PITPNC1: variants seen among roughly 807,000 people sequenced by gnomAD.
PITPNC1 encodes phosphatidylinositol transfer protein cytoplasmic 1.
In PITPNC1, 18 loss-of-function variants were observed where a neutral mutation model predicts 44.7. That is an observed-to-expected ratio of 0.40 (90% CI 0.28 to 0.60). The LOEUF is 0.60. Among genes scored for constraint, PITPNC1 ranks in the 20% least tolerant of loss-of-function variants. The pLI is 0.39. For missense variants in PITPNC1, 290 were observed against 418.4 expected, an observed-to-expected ratio of 0.69 and a Z score of 2.68; for synonymous variants, 141 against 149.6, an observed-to-expected ratio of 0.94 and a Z score of 0.42.
At chr17:67,625,271 GA>G (rs1281043548) in intron 5 of PITPNC1, among the ~76,000 whole-genome samples, 1 of 152,162 alleles carries the variant, frequency 6.6e-6, no homozygotes, top group Non-Finnish European at 1.5e-5. Context: ...CCCATCTCAG[GA>G]GACAAATTCA....
intron 4 of PITPNC1, among the ~76,000 whole-genome samples, chr17:67,574,650 G>A (rs542698252): frequency 6.6e-6 from 1 of 152,262 alleles, no homozygotes; most frequent in Admixed American, 6.5e-5. Context: ...GAGGCAGAAG[G>A]TTATCTTAAC....
chr17:67,633,945 G>A (rs2144336857), intron 6 of PITPNC1, among the ~76,000 whole-genome samples: 1 of 152,358 alleles, frequency 6.6e-6, no homozygotes, highest in Non-Finnish European at 1.5e-5. Context: ...ACTTCAGGGA[G>A]TTCCCTCCTG....
chr17:67,693,162 G>A lies in PITPNC1; in HGVS notation c.*274G>A. On this transcript the variant is annotated 3_prime_UTR_variant, in exon 9 of 9. Transcript: ENST00000581322. ...GCCAGAGAGGAAGCCTTGTTATTGGGCATTTGATGAGGTTTGGCATGGACT... is the reference window on the plus strand; with the variant it reads ...GCCAGAGAGGAAGCCTTGTTATTGGACATTTGATGAGGTTTGGCATGGACT... The A allele has an allele frequency of 5.7e-6, 2 of 349,260 alleles. No homozygotes were observed. The highest frequency in any genetic ancestry group is 7.7e-5 in the South Asian group (1 of 12,948). 21.6% of individuals were successfully genotyped at this position (349,260 alleles called of 1,614,324 possible). A position where few individuals can be genotyped will look rare whatever the true frequency, so the allele number is the denominator to read the frequency against.
intron 8 of PITPNC1, among the ~76,000 whole-genome samples, chr17:67,680,253 G>A (rs943147547): frequency 5.9e-5 from 9 of 152,124 alleles, no homozygotes; most frequent in Admixed American, 5.9e-4. Flanking sequence ...AGAGGAACCT[G>A]TGAACCCTTC....
chr17:67,459,113 C>CTTTTTTTTTTTTTTTTTTTTTTTTTTTG (rs886333854), intron 1 of PITPNC1, among the ~76,000 whole-genome samples: 1 of 95,732 alleles, frequency 1.0e-5, no homozygotes. Flanking sequence ...TTTTCTTTTT[C>CTTTTTTTTTTTTTTTTTTTTTTTTTTTG]TTTTTTTTTT....
intron 8 of PITPNC1, among the ~76,000 whole-genome samples, chr17:67,690,429 CAA>C (rs923028906): frequency 5.5e-5 from 6 of 109,252 alleles, no homozygotes; most frequent in Admixed American, 1.2e-4. Context: ...GCCTGGGAGA[CAA>C]GAGCAAAACT....
intron 1 of PITPNC1, among the ~76,000 whole-genome samples, chr17:67,442,936 G>T (rs4790980): frequency 6.6e-6 from 1 of 151,772 alleles, no homozygotes. Context: ...TTTACACCTA[G>T]GCAATACCTC....
chr17:67,397,388 A>G (rs765708158), intron 1 of PITPNC1, among the ~76,000 whole-genome samples: 49 of 152,202 alleles, frequency 3.2e-4, no homozygotes, highest in Middle Eastern at 3.4e-3. Context: ...TCTATTTTTC[A>G]TCTCCAGAAT....
intron 6 of PITPNC1, among the ~76,000 whole-genome samples, chr17:67,646,680 T>TTGTGTGTGTGGGTG (rs557610727): frequency 6.6e-6 from 1 of 151,888 alleles, no homozygotes; most frequent in African/African-American, 2.4e-5. Context: ...CACCAGCTAT[T>TTGTGTGTGTGGGTG]TGTGTGTGTG....
In PITPNC1 at chr17:67,644,425, A is replaced by ATT. The variant is rs750245444; in HGVS notation, c.462+12213_462+12214dup. On this transcript the variant is annotated intron_variant, in intron 6 of 8. Transcript: ENST00000581322. ...ATCTCATGGAGAACTTCCCTCTGTA[A>ATT]TTTTTTTTTTTTTTTTTTTTTTTTT... 1.1e-3 allele frequency among the ~76,000 whole-genome samples: 122 copies of ATT among 109,050 alleles called. 2 individuals are homozygous for ATT. The highest frequency in any genetic ancestry group is 1.6e-3 in the African/African-American group (40 of 24,746). The allele number at this position is 109,050 out of a possible 152,430, so 71.5% of individuals were successfully genotyped here.
At chr17:67,580,668 G>A (rs1447459101) in intron 5 of PITPNC1, among the ~76,000 whole-genome samples, 1 of 152,132 alleles carries the variant, frequency 6.6e-6, no homozygotes, top group Admixed American at 6.6e-5. Flanking sequence ...ATATCTTTTA[G>A]TCTTTCCAAA....
At chr17:67,572,930 A>G (rs1444250071) in intron 4 of PITPNC1, among the ~76,000 whole-genome samples, 1 of 152,108 alleles carries the variant, frequency 6.6e-6, no homozygotes, top group African/African-American at 2.4e-5. Context: ...GGAGTGATGC[A>G]CCCACTCCCG....
At chr17:67,470,967 T>G (rs1238360934) in intron 1 of PITPNC1, among the ~76,000 whole-genome samples, 4 of 124,758 alleles carry the variant, frequency 3.2e-5, no homozygotes, top group Non-Finnish European at 6.6e-5. Context: ...TTAAGGGCGG[T>G]GCAAGATGTG....
At chr17:67,471,212 T>TAAAAAAAAAAATGTAA (rs150754373) in intron 1 of PITPNC1, among the ~76,000 whole-genome samples, 33 of 94,188 alleles carry the variant, frequency 3.5e-4, no homozygotes, top group Non-Finnish European at 6.4e-4. Flanking sequence ...AAAAATAAAT[T>TAAAAAAAAAAATGTAA]AAAAAAAAAA....
intron 6 of PITPNC1, among the ~76,000 whole-genome samples, chr17:67,650,763 T>C (rs975872834): frequency 6.6e-6 from 1 of 152,210 alleles, no homozygotes; most frequent in Non-Finnish European, 1.5e-5. Context: ...AACCATGGAC[T>C]ATTACATTGT....
intron 6 of PITPNC1, among the ~76,000 whole-genome samples, chr17:67,648,258 C>T (rs1188767325): frequency 6.6e-6 from 1 of 152,186 alleles, no homozygotes; most frequent in Non-Finnish European, 1.5e-5. Context: ...ATTTAATAAA[C>T]TTAAGCTATC....
rs2042139253 is a variant in PITPNC1 at position 67,645,478 on chromosome 17, T to C, written c.462+13240T>C. ...CAAGGGCTGCGGGAGCAATATGCCTTATCACATCTACTATCCATTCACCAT... is the reference window on the plus strand; with the variant it reads ...CAAGGGCTGCGGGAGCAATATGCCTCATCACATCTACTATCCATTCACCAT... On this transcript the variant is annotated intron_variant, in intron 6 of 8. Transcript: ENST00000581322. Among the ~76,000 whole-genome samples the C allele has an allele frequency of 3.3e-5, 5 of 152,136 alleles. No homozygotes were observed. The South Asian group carries it at 1.0e-3, about 32-fold the overall frequency.
intron 1 of PITPNC1, among the ~76,000 whole-genome samples, chr17:67,428,609 G>A (rs553355446): frequency 2.6e-5 from 4 of 151,280 alleles, no homozygotes; most frequent in African/African-American, 7.3e-5. Context: ...CGGGTAATGA[G>A]ATTATAGATG....
intron 1 of PITPNC1, among the ~76,000 whole-genome samples, chr17:67,466,679 A>G (rs7210716): frequency 0.24 from 36,734 of 151,990 alleles, 4,590 homozygotes; most frequent in Middle Eastern, 0.31. Flanking sequence ...TCTTGGACAC[A>G]GAGGAAATAG....
Sources: allele counts gnomAD v4.1 joint callset (sites outside exome capture counted in the v4.1 genomes callset), GRCh38; gene constraint gnomAD v4.1.1; transcripts MANE v1.5; gene names NCBI Gene and HGNC (gene_info 2026-07-23, HGNC 2026-07-21).